DPP4: variants seen among roughly 807,000 people sequenced by gnomAD.
DPP4 encodes ADCP-2.
DPP4 carries 93 observed loss-of-function variants against 122.4 expected under a neutral mutation model. That is an observed-to-expected ratio of 0.76 (90% CI 0.64 to 0.90). The LOEUF (loss-of-function observed/expected upper bound fraction) is 0.90, where lower values mean the gene tolerates loss of function less well. Among genes scored for constraint, DPP4 ranks in the 40% least tolerant of loss-of-function variants. The pLI, the probability that DPP4 is intolerant of heterozygous loss-of-function variation, is 0.00. For missense variants in DPP4, 914 were observed against 907.3 expected, an observed-to-expected ratio of 1.01 and a Z score of -0.09; for synonymous variants, 321 against 302.9, an observed-to-expected ratio of 1.06 and a Z score of -0.62.
chr2:162,072,921 G>C (rs1464729733), intron 2 of DPP4, among the ~76,000 whole-genome samples: 1 of 151,942 alleles, frequency 6.6e-6, no homozygotes, highest in Non-Finnish European at 1.5e-5. Context: ...AAACAGTCTG[G>C]GTTCCCTGTG....
In DPP4 at chr2:162,024,913, C is replaced by T; in HGVS notation, c.914G>A (p.Trp305Ter). ...CAAAGAAATTCTTTCTTGTGTTGCCCATGTCACATCACACAAGTAGTGATC... is the reference window on the plus strand; with the variant it reads ...CAAAGAAATTCTTTCTTGTGTTGCCTATGTCACATCACACAAGTAGTGATC... ...IGDHYLCDVT[W>*]ATQERISLQW... is the part of the protein sequence containing the mutation. The change falls in exon 11 of 26, where the codon TGG becomes TAG. Residue 305 changes from tryptophan to a stop codon, truncating the protein, a stop_gained. Transcript: ENST00000360534. LOFTEE classifies it high-confidence loss of function. The T allele has an allele frequency of 6.2e-7, 1 of 1,613,598 alleles. No individual in the cohort carries two copies. Among genetic ancestry groups the T allele is most frequent in the Non-Finnish European group, 8.5e-7 (1 of 1,179,988 alleles).
At chr2:161,998,791 G>A (rs1394355075) in intron 23 of DPP4, among the ~76,000 whole-genome samples, 1 of 152,112 alleles carries the variant, frequency 6.6e-6, no homozygotes, top group Non-Finnish European at 1.5e-5. Flanking sequence ...ACACACTGTA[G>A]CTGTGATGAA....
In DPP4 at chr2:162,035,344, G is replaced by T. The variant is rs202164446; in HGVS notation, c.614-20C>A. The T allele has an allele frequency of 5.0e-6, 8 of 1,607,658 alleles. No homozygotes were observed. Among genetic ancestry groups the T allele is most frequent in the Non-Finnish European group, 6.8e-6 (8 of 1,177,436 alleles). ...CTTCCTCTGAAAAAAGACACAAATT[G>T]TTCTGTTACAAGAAGTAGCTGATAA... On this transcript the variant is annotated intron_variant, in intron 8 of 25. Coordinates refer to ENST00000360534, the MANE Select transcript of DPP4 (RefSeq NM_001935.4).
intron 22 of DPP4, 102 bp from the exon 23 acceptor site, chr2:162,005,911 T>C: frequency 1.9e-5 from 17 of 871,908 alleles, no homozygotes; most frequent in Non-Finnish European, 2.7e-5. Flanking sequence ...TTCACTCATG[T>C]ATAGGAATAT....
At chr2:162,002,104 T>C (rs1366773923) in intron 23 of DPP4, among the ~76,000 whole-genome samples, 26 of 152,164 alleles carry the variant, frequency 1.7e-4, no homozygotes, top group Admixed American at 1.7e-3. Context: ...GAAAGGGTGC[T>C]CTGTTTGGTT....
rs1433165576 is a variant in DPP4, at chr2:162,031,278, G to A, written c.887+2263C>T. Among the ~76,000 whole-genome samples the A allele has an allele frequency of 4.6e-5, 7 of 152,306 alleles. No homozygotes were observed. The South Asian group carries it at 1.2e-3, about 27-fold the overall frequency. ...GTGTCCTGGAACCACTCCAGGTTCT[G>A]TCTAAGCTCCCAGGACTATTGCGGG... is the stretch of plus-strand genomic sequence containing the variant. On this transcript the variant is annotated intron_variant, in intron 10 of 25. Coordinates refer to ENST00000360534, the MANE Select transcript of DPP4 (RefSeq NM_001935.4).
chr2:162,020,678 G>GAAGGCCT lies in DPP4; in HGVS notation c.1072_1078dup (p.Ser360Ter), dbSNP rs773707842. On this transcript the variant is annotated stop_gained and frameshift_variant, in exon 13 of 26. Transcript: ENST00000360534. LOFTEE classifies it high-confidence loss of function. Reference sequence around the variant, plus strand: ...ACCATCAAGGGTAAAATGAGGTTCTGAAGGCCTAAACTAGAAAATAATAGA... The same window carrying GAAGGCCT: ...ACCATCAAGGGTAAAATGAGGTTCTGAAGGCCTAAGGCCTAAACTAGAAAATAATAGA... The GAAGGCCT allele has an allele frequency of 1.2e-6, 2 of 1,608,220 alleles. No homozygotes were observed. The highest frequency in any genetic ancestry group is 1.7e-6 in the Non-Finnish European group (2 of 1,177,766).
At chr2:162,009,513 TTGTGTG>T (rs57878632) in intron 20 of DPP4, among the ~76,000 whole-genome samples, 6,577 of 144,348 alleles carry the variant, frequency 0.046, 219 homozygotes, top group African/African-American at 0.094. Flanking sequence ...TTCATAAAAA[TTGTGTG>T]TGTGTGTGTG....
At chr2:162,022,942 T>C (rs2302873) in intron 11 of DPP4, 143 bp from the exon 12 acceptor site, 288,692 of 858,792 alleles carry the variant, frequency 0.34, 52,834 homozygotes, top group East Asian at 0.71. Context: ...TATGTTAGTA[T>C]TTTTCAAGTC....
intron 8 of DPP4, among the ~76,000 whole-genome samples, chr2:162,038,078 C>A (rs1184438685): frequency 6.6e-6 from 1 of 152,058 alleles, no homozygotes; most frequent in Admixed American, 6.6e-5. Context: ...ATAACAGAGA[C>A]AAGAGGAGTA....
intron 11 of DPP4, 146 bp downstream of exon 11, chr2:162,024,658 G>T (rs187000811): frequency 8.9e-7 from 1 of 1,120,682 alleles, no homozygotes; most frequent in East Asian, 2.4e-5. Context: ...TTTTATTCAA[G>T]ATTTTATTGC....
chr2:161,995,096 G>A (rs112547097), intron 24 of DPP4, 62 bp from the exon 25 acceptor site: 6 of 1,558,342 alleles, frequency 3.9e-6, no homozygotes, highest in African/African-American at 1.4e-5. Context: ...TGGTACCAAG[G>A]GGTGGGAAAG....
chr2:162,007,788 A>G (rs978386105), intron 22 of DPP4, among the ~76,000 whole-genome samples: 1 of 152,172 alleles, frequency 6.6e-6, no homozygotes, highest in African/African-American at 2.4e-5. Context: ...GTATTTTTAC[A>G]TTGGTTTATC....
rs755774723 is a variant in DPP4, at chr2:162,039,138, T to C, written c.413A>G (p.Asn138Ser). ...TTATTGGGAAGTCACTGACCTTTTA[T>C]TTAAATCATAAATGTCATATGAAGC... Reference protein sequence around the residue: ...YTASYDIYDLNKRQLITEERI... With the variant: ...YTASYDIYDLSKRQLITEERI... The change falls in exon 6 of 26, where the codon AAT becomes AGT. Residue 138 changes from asparagine (N) to serine (S), a missense_variant. Asn to Ser is a conservative substitution (Grantham distance 46). Transcript: ENST00000360534. 60 of 1,612,986 alleles carry C rather than the reference T, an allele frequency of 3.7e-5. No individual in the cohort carries two copies. In the Admixed American group the frequency reaches 9.9e-4, roughly 26 times the overall value.
chr2:162,061,308 C>G (rs1160335278), intron 2 of DPP4, among the ~76,000 whole-genome samples: 1 of 152,170 alleles, frequency 6.6e-6, no homozygotes, highest in Non-Finnish European at 1.5e-5. Context: ...GCTGCATCCC[C>G]AAGCCATCTG....
intron 10 of DPP4, among the ~76,000 whole-genome samples, chr2:162,025,625 C>T (rs1041624438): frequency 6.6e-6 from 1 of 152,110 alleles, no homozygotes; most frequent in African/African-American, 2.4e-5. Context: ...TTTGGAACCA[C>T]CTTCTGATTT....
intron 2 of DPP4, among the ~76,000 whole-genome samples, chr2:162,061,934 C>T (rs949391312): frequency 1.5e-4 from 23 of 152,014 alleles, no homozygotes; most frequent in African/African-American, 3.9e-4. Flanking sequence ...AGCCAATGAA[C>T]GATGTTAAGC....
rs763416360 is a variant in DPP4, at chr2:162,009,208, G to A, written c.1887+33C>T. ...CCTGCTCTGAGTGATATTCACTAAC[G>A]AATGCATACAGATTCATCAGTCAAC... On this transcript the variant is annotated intron_variant, in intron 21 of 25. Coordinates refer to ENST00000360534, the MANE Select transcript of DPP4 (RefSeq NM_001935.4). 1.1e-5 allele frequency: 18 copies of A among 1,605,116 alleles called. No homozygotes were observed. In the Admixed American group the frequency reaches 2.0e-4, roughly 18 times the overall value.
At chr2:161,994,917 C>A (rs2106067173) in intron 25 of DPP4, 44 bp downstream of exon 25, 2 of 1,564,426 alleles carry the variant, frequency 1.3e-6, no homozygotes, top group Non-Finnish European at 1.8e-6. Flanking sequence ...GGAAACTAGA[C>A]CCCACCAGCA....
Sources: gnomAD v4.1 joint callset for allele counts (sites outside exome capture counted in the v4.1 genomes callset) on GRCh38, gnomAD v4.1.1 for gene constraint, MANE v1.5 for transcripts, NCBI Gene and HGNC (gene_info 2026-07-23, HGNC 2026-07-21) for gene names.